The following SGCZ variants were observed in gnomAD, a reference collection of about 807,000 sequenced individuals.
SGCZ encodes the protein zeta-sarcoglycan.
Under a neutral mutation model 41.3 loss-of-function variants are expected in SGCZ, and 40 were observed. That is an observed-to-expected ratio of 0.97 (90% CI 0.75 to 1.26). The LOEUF (loss-of-function observed/expected upper bound fraction) is 1.26. Among genes scored for constraint, SGCZ ranks in the 50% most tolerant of loss-of-function variants. The pLI, the probability that SGCZ is intolerant of heterozygous loss-of-function variation, is 0.00. For synonymous variants in SGCZ, 206 were observed against 137.5 expected (o/e 1.50, Z -3.49); for missense variants, 552 against 369.8 (o/e 1.49, Z -4.04).
rs562289694 is a variant in SGCZ at position 14,965,286 on chromosome 8, G to A, written c.39+272299C>T. Among the ~76,000 whole-genome samples, 22 of 152,156 alleles carry A rather than the reference G, an allele frequency of 1.4e-4. No homozygotes were observed. In the South Asian group the frequency reaches 3.9e-3, roughly 27 times the overall value. On this transcript the variant is annotated intron_variant, in intron 1 of 7. Transcript: ENST00000382080. ...CTGGTCCAGTCAAACTGGTAGGTGC[G>A]ATGTTTAACCTCCAGCCAATCACTT...
At chr8:14,353,834 G>GA (rs1401436836) in intron 2 of SGCZ, among the ~76,000 whole-genome samples, 2 of 151,880 alleles carry the variant, frequency 1.3e-5, no homozygotes, top group Non-Finnish European at 2.9e-5. Flanking sequence ...TTTTAAAGAT[G>GA]AAAAAAATCA....
chr8:14,454,363 T>G (rs1476616478), intron 2 of SGCZ, among the ~76,000 whole-genome samples: 1 of 152,160 alleles, frequency 6.6e-6, no homozygotes, highest in African/African-American at 2.4e-5. Context: ...CTGCTGAGGT[T>G]AAACACTTCT....
chr8:15,148,356 T>C (rs545244809), intron 1 of SGCZ, among the ~76,000 whole-genome samples: 5 of 152,294 alleles, frequency 3.3e-5, no homozygotes, highest in East Asian at 1.9e-4. Flanking sequence ...AACTTCATTC[T>C]GGAAAAAGAT....
intron 1 of SGCZ, among the ~76,000 whole-genome samples, chr8:14,683,525 A>G (rs1327321709): frequency 6.6e-6 from 1 of 152,184 alleles, no homozygotes; most frequent in Non-Finnish European, 1.5e-5. Flanking sequence ...CAATGTAAAT[A>G]ACTTCTTCCC....
chr8:14,573,970 A>G (rs189275346), intron 1 of SGCZ, among the ~76,000 whole-genome samples: 11 of 152,260 alleles, frequency 7.2e-5, no homozygotes, highest in Admixed American at 6.5e-4. Context: ...GGATACATGC[A>G]TACACTACAG....
intron 1 of SGCZ, among the ~76,000 whole-genome samples, chr8:15,067,822 A>C (rs1466795870): frequency 4.6e-5 from 7 of 152,360 alleles, no homozygotes; most frequent in African/African-American, 1.7e-4. Flanking sequence ...CAGTCTAATG[A>C]AAGATAAAAA....
chr8:14,935,119 G>C (rs995975620), intron 1 of SGCZ, among the ~76,000 whole-genome samples: 1 of 151,270 alleles, frequency 6.6e-6, no homozygotes, highest in Non-Finnish European at 1.5e-5. Context: ...AAAAGTGCAA[G>C]TATAAATTAT....
rs1805764520 is a variant in SGCZ, at chr8:14,210,389, C to A, written c.424+27203G>T. ...TAACACTGTTTTAAAAACATCATTA[C>A]CATTTTCCCAAACCCTTGGAATTAC... On this transcript the variant is annotated intron_variant, in intron 4 of 7. Transcript: ENST00000382080. 2.6e-5 allele frequency among the ~76,000 whole-genome samples: 4 copies of A among 151,684 alleles called. No individual in the cohort carries two copies. In the South Asian group the frequency reaches 8.3e-4, roughly 32 times the overall value.
chr8:14,486,096 C>CA (rs1801666603), intron 2 of SGCZ, among the ~76,000 whole-genome samples: 1 of 152,062 alleles, frequency 6.6e-6, no homozygotes, highest in African/African-American at 2.4e-5. Context: ...ATAAATATTT[C>CA]AAAAAATATG....
chr8:14,408,251 G>C (rs1290376906), intron 2 of SGCZ, among the ~76,000 whole-genome samples: 3 of 152,224 alleles, frequency 2.0e-5, no homozygotes, highest in South Asian at 2.1e-4. Flanking sequence ...TGCAGTTTTG[G>C]TCTTTGCAGA....
At chr8:14,391,822 G>A (rs1177946533) in intron 2 of SGCZ, among the ~76,000 whole-genome samples, 1 of 152,110 alleles carries the variant, frequency 6.6e-6, no homozygotes, top group Non-Finnish European at 1.5e-5. Context: ...AGCTTCTGGG[G>A]AGGTTTCAGG....
At chr8:14,509,572 G>A (rs1189806304) in intron 2 of SGCZ, among the ~76,000 whole-genome samples, 1 of 152,096 alleles carries the variant, frequency 6.6e-6, no homozygotes, top group Non-Finnish European at 1.5e-5. Flanking sequence ...GACTAGAAAT[G>A]TTTAAACAAA....
intron 2 of SGCZ, among the ~76,000 whole-genome samples, chr8:14,436,332 G>A (rs1450567958): frequency 6.6e-6 from 1 of 152,180 alleles, no homozygotes; most frequent in Non-Finnish European, 1.5e-5. Context: ...ATTAAAAGTA[G>A]TGAAATTTAA....
At chr8:14,743,740 C>T (rs904374017) in intron 1 of SGCZ, among the ~76,000 whole-genome samples, 5 of 151,708 alleles carry the variant, frequency 3.3e-5, no homozygotes, top group Admixed American at 6.6e-5. Context: ...ATTCTTTTTC[C>T]GTCTTGCAAA....
At chr8:14,889,815 C>G (rs561671327) in intron 1 of SGCZ, among the ~76,000 whole-genome samples, 1 of 151,876 alleles carries the variant, frequency 6.6e-6, no homozygotes, top group East Asian at 1.9e-4. Flanking sequence ...TTTAAATATG[C>G]AAGTCACGAT....
intron 3 of SGCZ, among the ~76,000 whole-genome samples, chr8:14,274,024 C>T (rs1278763663): frequency 2.0e-5 from 3 of 152,138 alleles, no homozygotes; most frequent in Admixed American, 2.0e-4. Context: ...AAATAGGCTT[C>T]AGTGTAAAAT....
rs557994134 is a variant in SGCZ at position 14,531,400 on chromosome 8, C to T, written c.234+23332G>A. 5.1e-4 allele frequency among the ~76,000 whole-genome samples: 78 copies of T among 152,044 alleles called. 1 individual carries two copies. The highest frequency in any genetic ancestry group is 1.9e-3 in the African/African-American group (77 of 41,516). ...TTGGTCACAAGACTAGAAATTGAAA[C>T]TCACTGAACTGCGGGAATGAAAAAC... On this transcript the variant is annotated intron_variant, in intron 2 of 7. Transcript: ENST00000382080.
chr8:14,362,134 C>G (rs766142325), intron 2 of SGCZ, among the ~76,000 whole-genome samples: 1 of 152,174 alleles, frequency 6.6e-6, no homozygotes, highest in Admixed American at 6.5e-5. Context: ...TCAGGCTACA[C>G]GTGGGTCTGG....
At chr8:14,275,701 T>C (rs189421273) in intron 3 of SGCZ, among the ~76,000 whole-genome samples, 2 of 152,248 alleles carry the variant, frequency 1.3e-5, no homozygotes, top group East Asian at 3.9e-4. Context: ...CTTCCCTTGA[T>C]TCAGTGAAGA....
Sources: gnomAD v4.1 joint callset for allele counts (sites outside exome capture counted in the v4.1 genomes callset) on GRCh38, gnomAD v4.1.1 for gene constraint, MANE v1.5 for transcripts, NCBI Gene and HGNC (gene_info 2026-07-23, HGNC 2026-07-21) for gene names.